Variants in NXNL2 observed in about 807,000 individuals in gnomAD.
NXNL2 encodes nucleoredoxin like 2, also known as nucleoredoxin-like protein 2.
A neutral mutation model predicts 11.1 loss-of-function variants in NXNL2; 7 were observed. The ratio of observed to expected loss-of-function variants is 0.63; its 90% CI spans 0.36 to 1.18. The LOEUF (loss-of-function observed/expected upper bound fraction) is 1.18. NXNL2 is among the 50% of genes most tolerant of loss of function. The pLI is 0.02. For missense variants in NXNL2, 233 were observed against 217.7 expected, an observed-to-expected ratio of 1.07 and a Z score of -0.44; for synonymous variants, 109 against 101.8, an observed-to-expected ratio of 1.07 and a Z score of -0.42.
At chr9:88,545,513 C>T (rs1000141993), downstream of NXNL2, among the ~76,000 whole-genome samples, 1 of 152,150 alleles carries the variant, frequency 6.6e-6, no homozygotes, top group Admixed American at 6.5e-5. Context: ...TAAGGAAGCC[C>T]AGTGGGTGAT....
At chr9:88,573,601 C>T (rs1040281530) in intron 2 of NXNL2, among the ~76,000 whole-genome samples, 1 of 152,180 alleles carries the variant, frequency 6.6e-6, no homozygotes, top group African/African-American at 2.4e-5. Flanking sequence ...ACTCATTGCA[C>T]TCACGAGCAA....
At chr9:88,542,077 A>C (rs1354637218) in intron 1 of NXNL2, among the ~76,000 whole-genome samples, 2 of 151,254 alleles carry the variant, frequency 1.3e-5, no homozygotes, top group African/African-American at 4.9e-5. Flanking sequence ...AAAAAAATAC[A>C]AAAAAATTAG....
chr9:88,550,116 C>G (rs1000706552), intron 1 of NXNL2, among the ~76,000 whole-genome samples: 1 of 152,108 alleles, frequency 6.6e-6, no homozygotes, highest in African/African-American at 2.4e-5. Flanking sequence ...CAGTGCCCGG[C>G]CTGCCACACA....
At chr9:88,577,402 T>G (rs1475667693), downstream of NXNL2, among the ~76,000 whole-genome samples, 1 of 151,968 alleles carries the variant, frequency 6.6e-6, no homozygotes, top group Non-Finnish European at 1.5e-5. Context: ...CTGTTCCAGG[T>G]GAGCATGTCT....
Position 88,535,358 on chromosome 9 carries a change from C to A in NXNL2, c.-77C>A. 2 of 1,397,250 alleles carry A rather than the reference C, an allele frequency of 1.4e-6. No homozygotes were observed. The highest frequency in any genetic ancestry group is 2.5e-4 in the Middle Eastern group (1 of 3,992). The allele number at this position is 1,397,250 out of a possible 1,614,324, so 86.6% of individuals were successfully genotyped here. On this transcript the variant is annotated 5_prime_UTR_variant, in exon 1 of 2. Transcript: ENST00000375854. ...TGCGGACAGAGGCGGGGCACCGCGGCGCTCGCCGCCGCCTCCCCGCAGGTG... is the reference window on the plus strand; with the variant it reads ...TGCGGACAGAGGCGGGGCACCGCGGAGCTCGCCGCCGCCTCCCCGCAGGTG...
intron 1 of NXNL2, among the ~76,000 whole-genome samples, chr9:88,583,409 C>A (rs116799738): frequency 6.6e-6 from 1 of 152,166 alleles, no homozygotes; most frequent in Non-Finnish European, 1.5e-5. Flanking sequence ...CTTCTTAGGT[C>A]GAGCAGGAAT....
intron 1 of NXNL2, among the ~76,000 whole-genome samples, chr9:88,583,215 C>T (rs143387654): frequency 3.9e-5 from 6 of 152,314 alleles, no homozygotes; most frequent in East Asian, 1.9e-4. Context: ...TCTGCTTCTG[C>T]GGCATTTGTT....
At chr9:88,564,380 A>T (rs76826045) in intron 1 of NXNL2, among the ~76,000 whole-genome samples, 3,863 of 151,894 alleles carry the variant, frequency 0.025, 155 homozygotes, top group African/African-American at 0.088. Context: ...TCATGTATAT[A>T]TGTACAATGT....
At chr9:88,556,848 C>T (rs574935664) in intron 1 of NXNL2, among the ~76,000 whole-genome samples, 53 of 152,122 alleles carry the variant, frequency 3.5e-4, no homozygotes, top group Non-Finnish European at 6.3e-4. Context: ...AAGGCCAAGG[C>T]AGGCGGATCA....
chr9:88,535,229 G>C lies in NXNL2; in HGVS notation c.-206G>C. 1 of 565,540 alleles carries C rather than the reference G, an allele frequency of 1.8e-6. No homozygotes were observed. Among genetic ancestry groups the C allele is most frequent in the Non-Finnish European group, 3.1e-6 (1 of 325,234 alleles). The allele number at this position is 565,540 out of a possible 1,614,324, so 35.0% of individuals were successfully genotyped here. ...GGTATCTGGGGTCTCTGGTGTCTGA[G>C]TGTCTCATTGTCGGCGCGAACACAA... On this transcript the variant is annotated 5_prime_UTR_variant, in exon 1 of 2. Coordinates refer to ENST00000375854, the MANE Select transcript of NXNL2 (RefSeq NM_001161625.2).
Position 88,544,392 on chromosome 9 carries a change from A to C in NXNL2, c.316A>C (p.Arg106=), listed in dbSNP as rs754077421. 5.8e-6 allele frequency: 9 copies of C among 1,551,856 alleles called. No homozygotes were observed. The highest frequency in any genetic ancestry group is 7.8e-6 in the Non-Finnish European group (9 of 1,147,002). The change falls in exon 2 of 2, where the codon AGG becomes CGG. Residue 106 remains arginine, a synonymous_variant. Coordinates refer to ENST00000375854, the MANE Select transcript of NXNL2 (RefSeq NM_001161625.2). The part of the protein sequence containing the change: ...HDPYRHELRK[R]YNVTAIPKLV... ...TCTGTCCTGCAGTGAGCTGAGGAAGAGGTACAACGTCACAGCCATCCCCAA... is the reference window on the plus strand; with the variant it reads ...TCTGTCCTGCAGTGAGCTGAGGAAGCGGTACAACGTCACAGCCATCCCCAA...
At chr9:88,543,354 C>A (rs368197269) in intron 1 of NXNL2, among the ~76,000 whole-genome samples, 3 of 151,944 alleles carry the variant, frequency 2.0e-5, no homozygotes, top group African/African-American at 7.3e-5. Context: ...GCAGCCTCGA[C>A]CTCCTGGGCT....
At chr9:88,542,232 CA>C (rs1176854199) in intron 1 of NXNL2, among the ~76,000 whole-genome samples, 1 of 150,572 alleles carries the variant, frequency 6.6e-6, no homozygotes, top group Admixed American at 6.6e-5. Context: ...GACTCCATCT[CA>C]AAAAACAAAA....
chr9:88,541,510 C>T (rs181147615), intron 1 of NXNL2, among the ~76,000 whole-genome samples: 1 of 152,318 alleles, frequency 6.6e-6, no homozygotes, highest in East Asian at 1.9e-4. Flanking sequence ...ATCCTCTCAC[C>T]TTGACCTCCC....
downstream of NXNL2, among the ~76,000 whole-genome samples, chr9:88,545,844 G>A (rs149090531): frequency 3.3e-3 from 495 of 152,020 alleles, 5 homozygotes; most frequent in African/African-American, 0.011. Flanking sequence ...TCAGCTCACT[G>A]CAACCTCCGC....
exon 3 of NXNL2, chr9:88,575,152 G>A (rs1482157781): frequency 4.1e-6 from 4 of 985,198 alleles, no homozygotes; most frequent in Non-Finnish European, 4.8e-6. Context: ...GAGTGCAGCT[G>A]TTCTCCCCCC....
At chr9:88,548,153 A>G (rs1829870822), downstream of NXNL2, among the ~76,000 whole-genome samples, 1 of 151,550 alleles carries the variant, frequency 6.6e-6, no homozygotes, top group Admixed American at 6.6e-5. Flanking sequence ...AGCCTGGACA[A>G]CATGGTGAAA....
chr9:88,576,239 A>G (rs2118549864), downstream of NXNL2, among the ~76,000 whole-genome samples: 1 of 152,258 alleles, frequency 6.6e-6, no homozygotes, highest in South Asian at 2.1e-4. Context: ...AATATTGAAA[A>G]CCACAAACAA....
chr9:88,561,258 T>C (rs1476132010), intron 1 of NXNL2, among the ~76,000 whole-genome samples: 1 of 152,160 alleles, frequency 6.6e-6, no homozygotes, highest in East Asian at 1.9e-4. Flanking sequence ...CCATGCTGGA[T>C]TCTTCCTGCC....
Sources: allele counts gnomAD v4.1 joint callset (sites outside exome capture counted in the v4.1 genomes callset), GRCh38; gene constraint gnomAD v4.1.1; transcripts MANE v1.5; gene names NCBI Gene and HGNC (gene_info 2026-07-23, HGNC 2026-07-21).